The following STYK1 variants were observed in gnomAD, a reference collection of about 807,000 sequenced individuals.
STYK1 encodes the protein tyrosine-protein kinase STYK1.
Under a neutral mutation model 48.1 loss-of-function variants are expected in STYK1, and 46 were observed. The ratio of observed to expected loss-of-function variants is 0.96; its 90% CI spans 0.75 to 1.22. The LOEUF (loss-of-function observed/expected upper bound fraction) is 1.22. Ranked by LOEUF, STYK1 falls within the 50% of genes most tolerant of loss-of-function variation. The pLI is 0.00. For missense variants in STYK1, 527 were observed against 521.1 expected (o/e 1.01, Z -0.11); for synonymous variants, 188 against 189.0 (o/e 0.99, Z 0.04).
intron 9 of STYK1, among the ~76,000 whole-genome samples, 200 bp downstream of exon 9, chr12:10,622,436 CAG>C (rs1393220645): frequency 1.3e-5 from 2 of 152,078 alleles, no homozygotes; most frequent in African/African-American, 2.4e-5. Flanking sequence ...TAAAAAAGGA[CAG>C]GGAAGAAGGG....
chr12:10,663,680 G>C (rs566979405), intron 1 of STYK1, among the ~76,000 whole-genome samples: 2 of 133,532 alleles, frequency 1.5e-5, no homozygotes, highest in South Asian at 2.5e-4. Flanking sequence ...TTTCAAGACT[G>C]TTTTGGCTAT....
At chr12:10,644,061 T>C (rs897310656) in intron 1 of STYK1, among the ~76,000 whole-genome samples, 1 of 152,244 alleles carries the variant, frequency 6.6e-6, no homozygotes, top group African/African-American at 2.4e-5. Context: ...AAGGACTTTA[T>C]GCTGAGTGGA....
intron 1 of STYK1, among the ~76,000 whole-genome samples, chr12:10,653,901 A>G (rs7350597): frequency 0.55 from 83,811 of 152,014 alleles, 23,842 homozygotes; most frequent in East Asian, 0.79. Context: ...CAAGGTTGAG[A>G]TCTACTAGGT....
intron 1 of STYK1, among the ~76,000 whole-genome samples, chr12:10,666,792 C>A (rs984686490): frequency 1.3e-5 from 2 of 152,204 alleles, no homozygotes; most frequent in African/African-American, 2.4e-5. Flanking sequence ...TAAGACGTGC[C>A]TGCTTCCTCT....
chr12:10,643,961 T>A (rs1044347724), intron 1 of STYK1, among the ~76,000 whole-genome samples: 1 of 71,184 alleles, frequency 1.4e-5, no homozygotes, highest in Admixed American at 2.0e-4. Context: ...ATGGTCCATT[T>A]TGTATTTTAG....
chr12:10,672,256 A>T lies in STYK1; in HGVS notation c.-195+1710T>A, dbSNP rs10845200. On this transcript the variant is annotated intron_variant, in intron 1 of 10. Coordinates refer to ENST00000075503, the MANE Select transcript of STYK1 (RefSeq NM_018423.3). This position sits in a 1 kb window ranked among gnomAD's most constrained non-coding sequence, Gnocchi z 4.0. The stretch of plus-strand genomic sequence containing the variant: ...GGTCACCAACACCCGGGGCGCCGAC[A>T]GGTACGGGGTGCACAGCAGGAAATC... Among the ~76,000 whole-genome samples, 99,303 of 152,042 alleles carry T rather than the reference A, an allele frequency of 0.65. 33,216 individuals are homozygous for T. Among genetic ancestry groups the T allele is most frequent in the African/African-American group, 0.8 (33,216 of 41,454 alleles).
At chr12:10,632,352 G>C (rs1006013005) in intron 4 of STYK1, among the ~76,000 whole-genome samples, 7 of 152,160 alleles carry the variant, frequency 4.6e-5, no homozygotes, top group African/African-American at 1.7e-4. Flanking sequence ...CTGGTGTCAG[G>C]GAGAGTATTG....
At chr12:10,642,616 T>G (rs957598237) in intron 1 of STYK1, among the ~76,000 whole-genome samples, 5 of 152,196 alleles carry the variant, frequency 3.3e-5, no homozygotes, top group African/African-American at 1.2e-4. Flanking sequence ...TTTATCTAAA[T>G]ATTTATAATA....
At chr12:10,653,964 A>G (rs918112525) in intron 1 of STYK1, among the ~76,000 whole-genome samples, 1 of 152,222 alleles carries the variant, frequency 6.6e-6, no homozygotes, top group African/African-American at 2.4e-5. Context: ...CAGGAGGTCA[A>G]CACAAGATAC....
chr12:10,632,507 C>T (rs1160478984), intron 4 of STYK1, among the ~76,000 whole-genome samples: 1 of 152,138 alleles, frequency 6.6e-6, no homozygotes, highest in Non-Finnish European at 1.5e-5. Context: ...GCCCAGATCA[C>T]ATAAGGCCAT....
chr12:10,630,149 G>T (rs1591679010), intron 5 of STYK1, among the ~76,000 whole-genome samples: 1 of 151,706 alleles, frequency 6.6e-6, no homozygotes, highest in East Asian at 1.9e-4. Context: ...ACTTTGGGAG[G>T]TTGAGGCTGG....
intron 1 of STYK1, among the ~76,000 whole-genome samples, chr12:10,647,521 A>G (rs985841344): frequency 3.3e-5 from 5 of 152,222 alleles, no homozygotes; most frequent in African/African-American, 4.8e-5. Flanking sequence ...TTACAGGTGG[A>G]AGTGACTTGC....
At chr12:10,632,088 G>C (rs1215077544) in intron 4 of STYK1, among the ~76,000 whole-genome samples, 1 of 151,998 alleles carries the variant, frequency 6.6e-6, no homozygotes, top group Non-Finnish European at 1.5e-5. Context: ...GTGATGCCAT[G>C]AGCCTATAAT....
At chr12:10,650,119 CAAAAAA>C (rs71051518) in intron 1 of STYK1, among the ~76,000 whole-genome samples, 3 of 51,296 alleles carry the variant, frequency 5.8e-5, no homozygotes, top group South Asian at 1.5e-3. Context: ...GACTCTGTCT[CAAAAAA>C]AAAAAAAAAA....
At chr12:10,656,209 C>T (rs980476953) in intron 1 of STYK1, among the ~76,000 whole-genome samples, 15 of 152,190 alleles carry the variant, frequency 9.9e-5, no homozygotes, top group African/African-American at 2.4e-4. Context: ...ATGGCTTTCT[C>T]CTCCTTTTTG....
chr12:10,635,829 A>G (rs1258224149), intron 2 of STYK1, among the ~76,000 whole-genome samples: 1 of 152,174 alleles, frequency 6.6e-6, no homozygotes, highest in Admixed American at 6.5e-5. Context: ...TTTCTTTCCA[A>G]AGAGAACTCA....
At chr12:10,653,548 G>C (rs1195864571) in intron 1 of STYK1, among the ~76,000 whole-genome samples, 2 of 152,096 alleles carry the variant, frequency 1.3e-5, no homozygotes, top group African/African-American at 4.8e-5. Flanking sequence ...AGAAAAGGTG[G>C]ATAAGAGTTT....
At chr12:10,631,725 G>T (rs572088045) in intron 4 of STYK1, among the ~76,000 whole-genome samples, 2 of 152,174 alleles carry the variant, frequency 1.3e-5, no homozygotes, top group African/African-American at 4.8e-5. Context: ...TGGAGGAAAG[G>T]TATGGATAAT....
intron 4 of STYK1, among the ~76,000 whole-genome samples, chr12:10,632,464 C>A (rs976585180): frequency 6.6e-6 from 1 of 152,108 alleles, no homozygotes; most frequent in African/African-American, 2.4e-5. Flanking sequence ...CAAGTGGGAT[C>A]ATTGGAGAGT....
Sources: allele counts gnomAD v4.1 joint callset (sites outside exome capture counted in the v4.1 genomes callset), GRCh38; gene constraint gnomAD v4.1.1; non-coding constraint Gnocchi (gnomAD v3.1); transcripts MANE v1.5; gene names NCBI Gene and HGNC (gene_info 2026-07-23, HGNC 2026-07-21).